The following PRRX1 variants were observed in gnomAD, a reference collection of about 807,000 sequenced individuals.
The protein encoded by PRRX1 is paired related homeobox 1.
Under a neutral mutation model 24.0 loss-of-function variants are expected in PRRX1, and 8 were observed. That is an observed-to-expected ratio of 0.33 (90% CI 0.20 to 0.60). The LOEUF (loss-of-function observed/expected upper bound fraction) is 0.60. PRRX1 is among the 20% of genes least tolerant of loss of function. PRRX1 has a pLI of 0.82. For missense variants in PRRX1, 281 were observed against 322.4 expected (o/e 0.87, Z 0.98); for synonymous variants, 160 against 131.7 (o/e 1.22, Z -1.47).
At chr1:170,731,958 G>T (rs1018602013) in intron 3 of PRRX1, among the ~76,000 whole-genome samples, 2 of 152,302 alleles carry the variant, frequency 1.3e-5, no homozygotes, top group Non-Finnish European at 2.9e-5. Context: ...AACTAAAAAT[G>T]GGGCTTTAGC....
At chr1:170,693,680 A>G (rs1654068045) in intron 1 of PRRX1, among the ~76,000 whole-genome samples, 2 of 152,180 alleles carry the variant, frequency 1.3e-5, no homozygotes, top group African/African-American at 4.8e-5. Context: ...TGTGGATAGT[A>G]TGATGGAAGC....
intron 1 of PRRX1, among the ~76,000 whole-genome samples, chr1:170,664,882 G>A (rs1652863796): frequency 6.6e-6 from 1 of 152,238 alleles, no homozygotes; most frequent in Non-Finnish European, 1.5e-5. Context: ...GCTGAGTCGG[G>A]TTGGAAGGGC....
At chr1:170,684,008 C>A (rs543802634) in intron 1 of PRRX1, among the ~76,000 whole-genome samples, 3 of 152,306 alleles carry the variant, frequency 2.0e-5, no homozygotes, top group South Asian at 4.1e-4. Flanking sequence ...TCATGCCAAG[C>A]ACTTTGGAGG....
rs1002464788 is a variant in PRRX1 at position 170,738,246 on chromosome 1, T to C, written c.*2060T>C. On this transcript the variant is annotated 3_prime_UTR_variant, in exon 4 of 4. Coordinates refer to ENST00000239461, the MANE Select transcript of PRRX1 (RefSeq NM_022716.4). ...GATTTTTGGGTTTAAGATGCACTTT[T>C]AGCACACATTTGTATTTCCCTTGGC... 17 of 225,222 alleles carry C rather than the reference T, an allele frequency of 7.5e-5. No individual in the cohort carries two copies. Among genetic ancestry groups the C allele is most frequent in the Non-Finnish European group, 1.2e-4 (13 of 112,778 alleles). 14.0% of individuals were successfully genotyped at this position (225,222 alleles called of 1,614,324 possible).
chr1:170,667,470 C>G (rs1315343397), intron 1 of PRRX1: 1 of 152,208 alleles, frequency 6.6e-6, no homozygotes, highest in East Asian at 1.9e-4. Context: ...CTTATGGTAG[C>G]AAGCGTCCAG....
At chr1:170,684,328 T>C (rs1653656707) in intron 1 of PRRX1, among the ~76,000 whole-genome samples, 1 of 152,254 alleles carries the variant, frequency 6.6e-6, no homozygotes. Context: ...TCTTTTCTTG[T>C]AGTTTCTTAC....
At chr1:170,699,007 C>T (rs557556740) in intron 1 of PRRX1, among the ~76,000 whole-genome samples, 7 of 152,308 alleles carry the variant, frequency 4.6e-5, no homozygotes, top group East Asian at 1.9e-4. Context: ...GAGTAATTGA[C>T]GGTGAAGTCT....
At chr1:170,733,778 G>A (rs528744122) in intron 3 of PRRX1, among the ~76,000 whole-genome samples, 5 of 152,032 alleles carry the variant, frequency 3.3e-5, no homozygotes, top group South Asian at 4.1e-4. Context: ...TTAGATCTTC[G>A]GATTCTTGGT....
chr1:170,697,749 T>C (rs1654221076), intron 1 of PRRX1, among the ~76,000 whole-genome samples: 2 of 147,440 alleles, frequency 1.4e-5, no homozygotes, highest in African/African-American at 2.5e-5. Flanking sequence ...TAAATATATA[T>C]ACATATATAG....
intron 1 of PRRX1, among the ~76,000 whole-genome samples, chr1:170,716,402 G>A (rs560977873): frequency 1.1e-4 from 17 of 152,206 alleles, no homozygotes; most frequent in African/African-American, 3.6e-4. Flanking sequence ...GGCTAACACG[G>A]TGAAACCTCG....
intron 1 of PRRX1, among the ~76,000 whole-genome samples, chr1:170,679,489 TC>T (rs1653431536): frequency 6.6e-6 from 1 of 152,152 alleles, no homozygotes; most frequent in Admixed American, 6.5e-5. Context: ...AAGCTCCACC[TC>T]CCAGGTTCAT....
intron 1 of PRRX1, among the ~76,000 whole-genome samples, chr1:170,689,839 C>CCCTCTCTCT: frequency 1.1e-5 from 1 of 91,642 alleles, no homozygotes; most frequent in South Asian, 3.3e-4. Context: ...TCTCTCTCTC[C>CCCTCTCTCT]CTCTCTCTCT....
intron 1 of PRRX1, 150 bp downstream of exon 1, chr1:170,664,609 A>AGG: frequency 7.8e-7 from 1 of 1,288,524 alleles, no homozygotes; most frequent in Non-Finnish European, 1.0e-6. Flanking sequence ...GGCCAGTCAC[A>AGG]GGGGAAACCA....
chr1:170,718,083 T>C (rs938611331), intron 1 of PRRX1, among the ~76,000 whole-genome samples: 7 of 152,190 alleles, frequency 4.6e-5, no homozygotes, highest in Non-Finnish European at 1.0e-4. Context: ...GAGAAAGGTA[T>C]GGTAGCTTCT....
chr1:170,705,072 G>A (rs757137615), intron 1 of PRRX1, among the ~76,000 whole-genome samples: 3 of 152,120 alleles, frequency 2.0e-5, no homozygotes, highest in Admixed American at 6.6e-5. Flanking sequence ...CTCTCACAAT[G>A]TAATGGGAGA....
At chr1:170,673,019 G>T (rs1055048260) in intron 1 of PRRX1, among the ~76,000 whole-genome samples, 5 of 152,118 alleles carry the variant, frequency 3.3e-5, no homozygotes, top group African/African-American at 1.2e-4. Context: ...CAAGAGGACC[G>T]CTGAGCTCAA....
intron 1 of PRRX1, among the ~76,000 whole-genome samples, chr1:170,711,356 G>C (rs1485627716): frequency 6.6e-6 from 1 of 152,082 alleles, no homozygotes; most frequent in Non-Finnish European, 1.5e-5. Flanking sequence ...TTTAACACAA[G>C]ATAAAAAATT....
chr1:170,703,055 T>A (rs547341396), intron 1 of PRRX1, among the ~76,000 whole-genome samples: 3 of 152,334 alleles, frequency 2.0e-5, no homozygotes, highest in African/African-American at 7.2e-5. Flanking sequence ...AAACATCTCT[T>A]ATGAAAATCA....
At chr1:170,679,552 A>G (rs904981054) in intron 1 of PRRX1, among the ~76,000 whole-genome samples, 1 of 152,100 alleles carries the variant, frequency 6.6e-6, no homozygotes, top group African/African-American at 2.4e-5. Flanking sequence ...GGTGCCTGCC[A>G]CCACACCTGG....
Sources: gnomAD v4.1 joint callset for allele counts (sites outside exome capture counted in the v4.1 genomes callset) on GRCh38, gnomAD v4.1.1 for gene constraint, MANE v1.5 for transcripts, NCBI Gene and HGNC (gene_info 2026-07-23, HGNC 2026-07-21) for gene names.